The following GRID2 variants were observed in gnomAD, a reference collection of about 807,000 sequenced individuals.
GRID2 encodes the protein glutamate receptor ionotropic, delta-2.
A neutral mutation model predicts 114.8 loss-of-function variants in GRID2; 33 were observed. That is an observed-to-expected ratio of 0.29 (90% CI 0.22 to 0.38). GRID2 has a LOEUF of 0.38. Ranked by LOEUF, GRID2 falls within the 10% of genes least tolerant of loss-of-function variation. GRID2 has a pLI of 1.00. For missense variants in GRID2, 1,184 were observed against 1,257.7 expected (o/e 0.94, Z 0.89); for synonymous variants, 505 against 449.9 (o/e 1.12, Z -1.55).
At position 93,011,916 on chromosome 4, in the gene GRID2, T is replaced by C. The variant is rs113614943; in HGVS notation, c.245-73079T>C. 6.4e-3 allele frequency among the ~76,000 whole-genome samples: 971 copies of C among 152,116 alleles called. 7 individuals are homozygous for C. Among genetic ancestry groups the C allele is most frequent in the African/African-American group, 0.022 (933 of 41,520 alleles). On this transcript the variant is annotated intron_variant, in intron 2 of 15. Transcript: ENST00000282020. The stretch of plus-strand genomic sequence containing the variant: ...TCTGCTTCTAGCTTCGGTTTTATAA[T>C]GTACAATGATATGTACTATAGAACA...
At chr4:92,610,433 A>G (rs1428465172) in intron 2 of GRID2, among the ~76,000 whole-genome samples, 1 of 151,612 alleles carries the variant, frequency 6.6e-6, no homozygotes, top group Non-Finnish European at 1.5e-5. Flanking sequence ...CTGTCTCTAA[A>G]TATTTCACTA....
intron 2 of GRID2, among the ~76,000 whole-genome samples, chr4:92,696,977 T>G (rs1474221238): frequency 6.6e-6 from 1 of 152,216 alleles, no homozygotes; most frequent in African/African-American, 2.4e-5. Flanking sequence ...ATATTCATTT[T>G]CTCTAAAGCC....
At chr4:93,478,686 A>G (rs566581959) in intron 11 of GRID2, among the ~76,000 whole-genome samples, 2 of 151,942 alleles carry the variant, frequency 1.3e-5, no homozygotes, top group Non-Finnish European at 2.9e-5. Context: ...TAACATTAAA[A>G]TATATTAAAA....
At position 92,690,491 on chromosome 4, in the gene GRID2, A is replaced by G. The variant is rs1169212657; in HGVS notation, c.244+100205A>G. On this transcript the variant is annotated intron_variant, in intron 2 of 15. Coordinates refer to ENST00000282020, the MANE Select transcript of GRID2 (RefSeq NM_001510.4). ...ATCACCATAACAGATATAAAGCAGT[A>G]AAAATTTGGAAATATCTCAAGAGTT... Among the ~76,000 whole-genome samples, 5 of 152,228 alleles carry G rather than the reference A, an allele frequency of 3.3e-5. No individual in the cohort carries two copies. The East Asian group carries it at 9.6e-4, about 29-fold the overall frequency.
chr4:92,580,963 T>C (rs1284499371), intron 1 of GRID2, among the ~76,000 whole-genome samples: 1 of 151,604 alleles, frequency 6.6e-6, no homozygotes, highest in Admixed American at 6.6e-5. Context: ...TCAAAGTGTC[T>C]ATTGTCAAAC....
At chr4:92,345,474 T>C (rs1354918426) in intron 1 of GRID2, among the ~76,000 whole-genome samples, 1 of 152,218 alleles carries the variant, frequency 6.6e-6, no homozygotes, top group Non-Finnish European at 1.5e-5. Context: ...AGATACCCAG[T>C]AGTGGGATAG....
At chr4:92,376,877 A>C (rs1032373967) in intron 1 of GRID2, among the ~76,000 whole-genome samples, 1 of 152,072 alleles carries the variant, frequency 6.6e-6, no homozygotes, top group Non-Finnish European at 1.5e-5. Context: ...ACAGGGCACC[A>C]AGTCCCTAGG....
intron 2 of GRID2, among the ~76,000 whole-genome samples, chr4:92,930,821 G>GA (rs1750174753): frequency 1.3e-5 from 2 of 150,456 alleles, no homozygotes; most frequent in African/African-American, 4.9e-5. Context: ...AAACTAACAA[G>GA]AAAAAATAAA....
At chr4:92,707,369 A>G (rs1356050393) in intron 2 of GRID2, among the ~76,000 whole-genome samples, 1 of 152,200 alleles carries the variant, frequency 6.6e-6, no homozygotes, top group Non-Finnish European at 1.5e-5. Context: ...AAATTTTGAC[A>G]TAAAGATCTG....
intron 1 of GRID2, among the ~76,000 whole-genome samples, chr4:92,516,690 G>A (rs1019760680): frequency 6.6e-6 from 1 of 151,744 alleles, no homozygotes; most frequent in Admixed American, 6.6e-5. Context: ...TCCCTAAGAG[G>A]AGGTGCCAGG....
intron 14 of GRID2, among the ~76,000 whole-genome samples, chr4:93,703,359 G>A (rs183098982): frequency 5.3e-5 from 8 of 152,174 alleles, no homozygotes; most frequent in Admixed American, 5.2e-4. Flanking sequence ...GGCAAATGAA[G>A]TATCTATCAC....
intron 1 of GRID2, among the ~76,000 whole-genome samples, chr4:92,460,711 A>G (rs1243108786): frequency 6.6e-6 from 1 of 152,172 alleles, no homozygotes; most frequent in African/African-American, 2.4e-5. Flanking sequence ...CATTTAACTC[A>G]GGACTCATTT....
At chr4:93,616,048 G>A (rs1268711192) in intron 13 of GRID2, among the ~76,000 whole-genome samples, 1 of 152,030 alleles carries the variant, frequency 6.6e-6, no homozygotes, top group Non-Finnish European at 1.5e-5. Flanking sequence ...TCATCTTGTA[G>A]TCATATGTCT....
intron 13 of GRID2, among the ~76,000 whole-genome samples, chr4:93,620,681 G>A (rs1282453960): frequency 1.3e-5 from 2 of 152,132 alleles, no homozygotes; most frequent in Non-Finnish European, 2.9e-5. Flanking sequence ...GGCAAGAAAT[G>A]CAAATATTCA....
rs558394808 is a variant in GRID2, at chr4:93,387,769, G to A, written c.1246-7838G>A. Among the ~76,000 whole-genome samples the A allele has an allele frequency of 7.4e-5, 11 of 147,914 alleles. No homozygotes were observed. In the East Asian group the frequency reaches 1.2e-3, roughly 16 times the overall value. ...CGCTTGAACCTGGGAGGCCGAGGCC[G>A]AAGTGAGCCGAGATAATGCCACTGC... On this transcript the variant is annotated intron_variant, in intron 8 of 15. Coordinates refer to ENST00000282020, the MANE Select transcript of GRID2 (RefSeq NM_001510.4).
intron 10 of GRID2, among the ~76,000 whole-genome samples, chr4:93,445,192 C>A (rs1210146824): frequency 6.6e-6 from 1 of 151,942 alleles, no homozygotes; most frequent in African/African-American, 2.4e-5. Context: ...GTTCAAGCAG[C>A]CCTCTAAAGA....
chr4:92,886,596 AAATTTAATTTTATTT>A (rs1243213980), intron 2 of GRID2, among the ~76,000 whole-genome samples: 1 of 151,838 alleles, frequency 6.6e-6, no homozygotes, highest in Non-Finnish European at 1.5e-5. Flanking sequence ...TTATTATTTT[AAATTTAATTTTATTT>A]AATTTAATTT....
intron 14 of GRID2, among the ~76,000 whole-genome samples, chr4:93,710,424 A>G (rs550654499): frequency 6.6e-6 from 1 of 152,296 alleles, no homozygotes; most frequent in African/African-American, 2.4e-5. Context: ...ACTTTTCGCT[A>G]AACGAATGGA....
chr4:93,311,479 T>A (rs903815223), intron 8 of GRID2, among the ~76,000 whole-genome samples: 1 of 152,098 alleles, frequency 6.6e-6, no homozygotes, highest in African/African-American at 2.4e-5. Flanking sequence ...TGCTTTAAGA[T>A]TAGCCTTTGG....
Sources: allele counts gnomAD v4.1 joint callset (sites outside exome capture counted in the v4.1 genomes callset), GRCh38; gene constraint gnomAD v4.1.1; transcripts MANE v1.5; gene names NCBI Gene and HGNC (gene_info 2026-07-23, HGNC 2026-07-21).